LUZP2: variants seen among roughly 807,000 people sequenced by gnomAD.
LUZP2 encodes the protein leucine zipper protein 2.
In LUZP2, 52 loss-of-function variants were observed where a neutral mutation model predicts 51.6. The observed-to-expected ratio is 1.01, with a 90% CI of 0.81 to 1.27. The LOEUF is 1.27. Among genes scored for constraint, LUZP2 ranks in the 50% most tolerant of loss-of-function variants. LUZP2 has a pLI of 0.00. For synonymous variants in LUZP2, 154 were observed against 137.3 expected (o/e 1.12, Z -0.85); for missense variants, 436 against 395.4 (o/e 1.10, Z -0.87).
intron 9 of LUZP2, among the ~76,000 whole-genome samples, chr11:24,988,780 T>G (rs1348309137): frequency 6.6e-6 from 1 of 151,994 alleles, no homozygotes; most frequent in East Asian, 1.9e-4. Flanking sequence ...AAGCAATGCT[T>G]AGGGATATAC....
chr11:24,962,072 G>T (rs1018622569), intron 7 of LUZP2, among the ~76,000 whole-genome samples: 2 of 151,754 alleles, frequency 1.3e-5, no homozygotes, highest in African/African-American at 4.8e-5. Context: ...GTTGAATATT[G>T]GCCCCCACTC....
chr11:24,760,559 T>G (rs1859943273), intron 4 of LUZP2, among the ~76,000 whole-genome samples: 1 of 152,214 alleles, frequency 6.6e-6, no homozygotes, highest in Non-Finnish European at 1.5e-5. Flanking sequence ...ATTCTCAAGC[T>G]TCTCTTTCTG....
At chr11:24,944,209 T>C (rs1475175596) in intron 7 of LUZP2, among the ~76,000 whole-genome samples, 1 of 152,126 alleles carries the variant, frequency 6.6e-6, no homozygotes, top group Non-Finnish European at 1.5e-5. Context: ...GTCAAAGGCA[T>C]AAATATTTTT....
intron 1 of LUZP2, among the ~76,000 whole-genome samples, chr11:24,623,154 T>TC (rs1337166865): frequency 3.3e-5 from 5 of 150,468 alleles, no homozygotes; most frequent in South Asian, 2.1e-4. Context: ...TTTACTGAAC[T>TC]CCCCCCCAAA....
chr11:24,663,770 A>G (rs1856107138), intron 1 of LUZP2, among the ~76,000 whole-genome samples: 1 of 152,076 alleles, frequency 6.6e-6, no homozygotes, highest in Non-Finnish European at 1.5e-5. Flanking sequence ...CTCCTATGCT[A>G]TTCTCGTGCT....
At chr11:24,998,578 T>G (rs191816946) in intron 9 of LUZP2, among the ~76,000 whole-genome samples, 19 of 152,320 alleles carry the variant, frequency 1.2e-4, no homozygotes, top group African/African-American at 4.1e-4. Context: ...CAGAACATGA[T>G]ATTCAGGAAA....
chr11:25,006,131 T>C (rs1406903929), intron 9 of LUZP2, among the ~76,000 whole-genome samples: 2 of 152,138 alleles, frequency 1.3e-5, no homozygotes, highest in African/African-American at 2.4e-5. Flanking sequence ...GCAAAAATTA[T>C]GTCTTTCTGA....
intron 5 of LUZP2, among the ~76,000 whole-genome samples, chr11:24,869,286 CT>C (rs1452583544): frequency 6.6e-6 from 1 of 152,092 alleles, no homozygotes; most frequent in Non-Finnish European, 1.5e-5. Flanking sequence ...TTTTATTGCA[CT>C]TAGCTTCAAT....
chr11:24,832,272 G>C (rs182610948), intron 5 of LUZP2, among the ~76,000 whole-genome samples: 1 of 149,004 alleles, frequency 6.7e-6, no homozygotes, highest in Non-Finnish European at 1.5e-5. Context: ...CACTTGACTT[G>C]TTCTATATTT....
intron 9 of LUZP2, among the ~76,000 whole-genome samples, chr11:24,984,868 G>A (rs1039281845): frequency 1.3e-5 from 2 of 151,298 alleles, no homozygotes; most frequent in African/African-American, 4.8e-5. Context: ...TGCTTTGACA[G>A]CTGAGTGTTT....
intron 1 of LUZP2, among the ~76,000 whole-genome samples, chr11:24,589,518 C>T (rs1853187886): frequency 6.6e-6 from 1 of 152,158 alleles, no homozygotes; most frequent in South Asian, 2.1e-4. Flanking sequence ...CTTCTAATAT[C>T]TTAGTTTATT....
At chr11:24,774,114 T>A (rs1032058707) in intron 5 of LUZP2, among the ~76,000 whole-genome samples, 2 of 151,944 alleles carry the variant, frequency 1.3e-5, no homozygotes, top group Admixed American at 6.6e-5. Context: ...CAGCTGCCAG[T>A]ACAGCCAGAA....
chr11:24,501,711 T>C (rs1408221402), intron 1 of LUZP2, among the ~76,000 whole-genome samples: 1 of 152,196 alleles, frequency 6.6e-6, no homozygotes, highest in Non-Finnish European at 1.5e-5. Context: ...AGTAAGAATG[T>C]GCCTGCTATC....
intron 5 of LUZP2, among the ~76,000 whole-genome samples, chr11:24,810,244 A>C (rs936878562): frequency 6.6e-6 from 1 of 152,148 alleles, no homozygotes; most frequent in Non-Finnish European, 1.5e-5. Flanking sequence ...CACACAGGTA[A>C]ATTTTATACA....
rs993493096 is a variant in LUZP2 at position 25,078,977 on chromosome 11, G to A, written c.*319G>A. ...TCATTTGGATATCTAGTACTTCTATGATATAGTTGTCAAAATCAACTGGAG... is the reference window on the plus strand; with the variant it reads ...TCATTTGGATATCTAGTACTTCTATAATATAGTTGTCAAAATCAACTGGAG... On this transcript the variant is annotated 3_prime_UTR_variant, in exon 12 of 12. Coordinates refer to ENST00000336930, the MANE Select transcript of LUZP2 (RefSeq NM_001009909.4). 1 of 195,572 alleles carries A rather than the reference G, an allele frequency of 5.1e-6. No individual in the cohort carries two copies. The highest frequency in any genetic ancestry group is 1.0e-5 in the Non-Finnish European group (1 of 97,634). The allele number at this position is 195,572 out of a possible 1,614,324, so 12.1% of individuals were successfully genotyped here.
intron 1 of LUZP2, among the ~76,000 whole-genome samples, chr11:24,626,897 C>G (rs760734535): frequency 1.9e-4 from 29 of 152,100 alleles, no homozygotes; most frequent in Non-Finnish European, 3.4e-4. Flanking sequence ...CAAAATACTA[C>G]AGAAAGTACC....
At chr11:24,660,982 T>C (rs920412250) in intron 1 of LUZP2, among the ~76,000 whole-genome samples, 1 of 152,164 alleles carries the variant, frequency 6.6e-6, no homozygotes. Flanking sequence ...AGAAATGTAT[T>C]TTCTGCATGG....
At chr11:24,877,698 A>T (rs547681594) in intron 5 of LUZP2, among the ~76,000 whole-genome samples, 1 of 152,158 alleles carries the variant, frequency 6.6e-6, no homozygotes, top group Non-Finnish European at 1.5e-5. Context: ...AGTTTTTCTA[A>T]CTATATTTTT....
intron 5 of LUZP2, among the ~76,000 whole-genome samples, chr11:24,812,851 G>A (rs1017408101): frequency 4.6e-5 from 7 of 152,228 alleles, no homozygotes; most frequent in African/African-American, 7.2e-5. Flanking sequence ...ATACAGGCTC[G>A]CTAGGCATAT....
Sources: gnomAD v4.1 joint callset for allele counts (sites outside exome capture counted in the v4.1 genomes callset) on GRCh38, gnomAD v4.1.1 for gene constraint, MANE v1.5 for transcripts, NCBI Gene and HGNC (gene_info 2026-07-23, HGNC 2026-07-21) for gene names.